CTNNA3: variants seen among roughly 807,000 people sequenced by gnomAD.
CTNNA3 encodes catenin alpha 3, also known as catenin alpha-3.
In CTNNA3, 76 loss-of-function variants were observed where a neutral mutation model predicts 95.7. That is an observed-to-expected ratio of 0.79 (90% CI 0.66 to 0.96). The LOEUF is 0.96. Ranked by LOEUF, CTNNA3 falls within the 40% of genes least tolerant of loss-of-function variation. The pLI, the probability that CTNNA3 is intolerant of heterozygous loss-of-function variation, is 0.00. For synonymous variants in CTNNA3, 431 were observed against 374.4 expected (o/e 1.15, Z -1.74); for missense variants, 1,191 against 1,089.8 (o/e 1.09, Z -1.31).
At chr10:66,860,352 C>T (rs1463063663) in intron 7 of CTNNA3, among the ~76,000 whole-genome samples, 4 of 152,002 alleles carry the variant, frequency 2.6e-5, no homozygotes, top group South Asian at 4.1e-4. Context: ...GTAAAAACAT[C>T]GAAAAACCTA....
intron 7 of CTNNA3, chr10:67,097,840 C>A (rs767880583): frequency 1.3e-6 from 2 of 1,561,446 alleles, no homozygotes; most frequent in Non-Finnish European, 1.8e-6. Context: ...ACTTTGTAAC[C>A]TCAAGGACAA....
At chr10:66,130,810 C>T (rs1219219053) in intron 13 of CTNNA3, among the ~76,000 whole-genome samples, 2 of 149,846 alleles carry the variant, frequency 1.3e-5, no homozygotes, top group Middle Eastern at 3.2e-3. Context: ...AAGCCCAGAT[C>T]GCACCACTGC....
Position 67,553,303 on chromosome 10 carries a change from TAATTC to T in CTNNA3, c.293-13639_293-13635del, listed in dbSNP as rs146366460. Reference sequence around the variant, plus strand: ...ATAATAATATATTATGTACAAAATTTAATTCATTTTACCTAGGTTTATACATACTA... The same window carrying T: ...ATAATAATATATTATGTACAAAATTTATTTTACCTAGGTTTATACATACTA... On this transcript the variant is annotated intron_variant, in intron 3 of 17. Transcript: ENST00000433211. Among the ~76,000 whole-genome samples, 764 of 152,240 alleles carry T rather than the reference TAATTC, an allele frequency of 5.0e-3. 18 individuals are homozygous for T. In the East Asian group the frequency reaches 0.076, roughly 15 times the overall value.
At position 67,025,388 on chromosome 10, in the gene CTNNA3, C is replaced by A. The variant is rs115035993; in HGVS notation, c.1047+154929G>T. 5.8e-3 allele frequency among the ~76,000 whole-genome samples: 874 copies of A among 151,690 alleles called. 9 individuals carry two copies. Among genetic ancestry groups the A allele is most frequent in the African/African-American group, 0.02 (831 of 41,444 alleles). On this transcript the variant is annotated intron_variant, in intron 7 of 17. Coordinates refer to ENST00000433211, the MANE Select transcript of CTNNA3 (RefSeq NM_013266.4). ...CATGGTTTTGTAAAGGCCACATATC[C>A]AACTTTTTACCTCCCCTATATAATT...
chr10:66,074,015 A>G (rs892039180), intron 14 of CTNNA3, among the ~76,000 whole-genome samples: 7 of 151,996 alleles, frequency 4.6e-5, no homozygotes, highest in African/African-American at 1.7e-4. Context: ...GCTAGTCACT[A>G]TCTCCTAAGG....
At chr10:66,958,582 G>A (rs777206293) in intron 7 of CTNNA3, among the ~76,000 whole-genome samples, 3 of 151,976 alleles carry the variant, frequency 2.0e-5, no homozygotes, top group African/African-American at 7.3e-5. Flanking sequence ...GTAAGTAAGC[G>A]AATCCTGCCA....
rs35513829 is a variant in CTNNA3, at chr10:66,421,897, G to GATATATATATAT, written c.1532-42557_1532-42546dup. On this transcript the variant is annotated intron_variant, in intron 11 of 17. Transcript: ENST00000433211. Reference sequence around the variant, plus strand: ...TTTCTAAGAGCTTCATAATAAATGTGATATATATATATATATATACACACA... The same window carrying GATATATATATAT: ...TTTCTAAGAGCTTCATAATAAATGTGATATATATATATATATATATATATATATATACACACA... Among the ~76,000 whole-genome samples the GATATATATATAT allele has an allele frequency of 4.2e-3, 449 of 108,114 alleles. 8 individuals are homozygous for GATATATATATAT. Among genetic ancestry groups the GATATATATATAT allele is most frequent in the East Asian group, 0.021 (87 of 4,222 alleles). The allele number at this position is 108,114 out of a possible 152,430, so 70.9% of individuals were successfully genotyped here.
intron 15 of CTNNA3, among the ~76,000 whole-genome samples, chr10:66,028,570 G>A (rs905921567): frequency 4.0e-5 from 6 of 149,822 alleles, no homozygotes; most frequent in African/African-American, 1.5e-4. Flanking sequence ...ACAGGAAGGG[G>A]AACATCACAC....
At chr10:67,584,234 A>C (rs1451197274) in intron 3 of CTNNA3, among the ~76,000 whole-genome samples, 2 of 152,184 alleles carry the variant, frequency 1.3e-5, no homozygotes, top group Non-Finnish European at 2.9e-5. Context: ...GGTGACGTAC[A>C]GATGGGGTTT....
intron 10 of CTNNA3, among the ~76,000 whole-genome samples, chr10:66,568,603 C>T (rs955994762): frequency 1.1e-4 from 16 of 151,982 alleles, no homozygotes; most frequent in Non-Finnish European, 1.9e-4. Flanking sequence ...ATTGGGTTCA[C>T]CACCTTCCAT....
intron 11 of CTNNA3, among the ~76,000 whole-genome samples, chr10:66,410,676 C>T (rs1025829779): frequency 7.2e-5 from 11 of 152,168 alleles, no homozygotes; most frequent in Non-Finnish European, 1.6e-4. Flanking sequence ...TTTCCCCTGC[C>T]TTCTAGAATA....
intron 7 of CTNNA3, chr10:66,837,569 T>A (rs1287254531): frequency 6.6e-6 from 1 of 152,062 alleles, no homozygotes; most frequent in African/African-American, 2.4e-5. Context: ...ATTAAAGCAT[T>A]TCCTATTCAA....
chr10:66,515,275 A>ATCTATCTG, intron 11 of CTNNA3, among the ~76,000 whole-genome samples: 1 of 150,722 alleles, frequency 6.6e-6, no homozygotes. Flanking sequence ...ATATCTATCT[A>ATCTATCTG]TCTATCTATC....
chr10:67,335,065 A>G (rs1841944341), intron 5 of CTNNA3, among the ~76,000 whole-genome samples: 1 of 152,148 alleles, frequency 6.6e-6, no homozygotes, highest in African/African-American at 2.4e-5. Context: ...TTGATGAGAA[A>G]AAAAAATCTA....
intron 7 of CTNNA3, among the ~76,000 whole-genome samples, chr10:66,854,913 A>ACTT (rs1843633274): frequency 6.6e-6 from 1 of 151,890 alleles, no homozygotes; most frequent in Non-Finnish European, 1.5e-5. Flanking sequence ...ATACCAGAGT[A>ACTT]CTTTACTTAA....
chr10:67,329,972 G>T (rs1257956121), intron 5 of CTNNA3, among the ~76,000 whole-genome samples: 1 of 152,196 alleles, frequency 6.6e-6, no homozygotes, highest in Non-Finnish European at 1.5e-5. Context: ...GCCAGCTAGA[G>T]TTCCAACCAT....
At chr10:67,120,971 A>G (rs992426954) in intron 7 of CTNNA3, among the ~76,000 whole-genome samples, 5 of 151,996 alleles carry the variant, frequency 3.3e-5, no homozygotes, top group Non-Finnish European at 7.4e-5. Context: ...TGGGATTTTA[A>G]ATATTTCAGA....
intron 10 of CTNNA3, among the ~76,000 whole-genome samples, chr10:66,534,028 C>T (rs1841561734): frequency 6.6e-6 from 1 of 152,062 alleles, no homozygotes; most frequent in African/African-American, 2.4e-5. Context: ...ATCAAATATC[C>T]ATATTAAGCT....
intron 7 of CTNNA3, among the ~76,000 whole-genome samples, chr10:66,898,566 G>T (rs1458515034): frequency 1.3e-5 from 2 of 152,038 alleles, no homozygotes; most frequent in Non-Finnish European, 2.9e-5. Context: ...TACTTAACAT[G>T]AGTGCCAAAA....
Sources: allele counts gnomAD v4.1 joint callset (sites outside exome capture counted in the v4.1 genomes callset), GRCh38; gene constraint gnomAD v4.1.1; transcripts MANE v1.5; gene names NCBI Gene and HGNC (gene_info 2026-07-23, HGNC 2026-07-21).